The following ARL5A variants were observed in gnomAD, a reference collection of about 807,000 sequenced individuals.
ARL5A encodes the protein ARF like GTPase 5A.
ARL5A carries 18 observed loss-of-function variants against 25.9 expected under a neutral mutation model. The observed-to-expected ratio is 0.69, with a 90% CI of 0.48 to 1.03. The LOEUF is 1.03. ARL5A is among the 50% of genes least tolerant of loss of function. ARL5A has a pLI of 0.00. For synonymous variants in ARL5A, 61 were observed against 67.5 expected, an observed-to-expected ratio of 0.90 and a Z score of 0.47; for missense variants, 170 against 211.9, an observed-to-expected ratio of 0.80 and a Z score of 1.23.
chr2:151,827,247 C>G (rs533193929), intron 1 of ARL5A, among the ~76,000 whole-genome samples: 2 of 152,334 alleles, frequency 1.3e-5, no homozygotes, highest in South Asian at 4.1e-4. Context: ...ATTGTATTCT[C>G]TTTCCCCAGT....
intron 4 of ARL5A, 63 bp downstream of exon 4, chr2:151,812,294 G>C (rs1257418806): frequency 3.3e-6 from 4 of 1,211,264 alleles, no homozygotes; most frequent in African/African-American, 3.1e-5. Context: ...TGAGAAACTA[G>C]AAAACAAAGT....
chr2:151,827,336 T>A (rs1045768380), intron 1 of ARL5A: 2 of 152,240 alleles, frequency 1.3e-5, no homozygotes, highest in Admixed American at 1.3e-4. Flanking sequence ...AACTTAAGCA[T>A]CCCTATATAA....
chr2:151,819,812 T>C (rs2099832017), intron 1 of ARL5A, among the ~76,000 whole-genome samples: 1 of 151,332 alleles, frequency 6.6e-6, no homozygotes, highest in Non-Finnish European at 1.5e-5. Flanking sequence ...TCCCAGCACT[T>C]TGGGAGGCCG....
chr2:151,815,126 A>G lies in ARL5A; in HGVS notation c.107+13T>C, dbSNP rs1187532491. On this transcript the variant is annotated intron_variant, in intron 2 of 5. Coordinates refer to ENST00000295087, the MANE Select transcript of ARL5A (RefSeq NM_012097.4). ...CTAGAAATAAAATAATTTTTAAAAT[A>G]GTTAATACTTACAATTGGTAAAGAA... 5 of 1,582,032 alleles carry G rather than the reference A, an allele frequency of 3.2e-6. No individual in the cohort carries two copies. Among genetic ancestry groups the G allele is most frequent in the Non-Finnish European group, 4.3e-6 (5 of 1,158,056 alleles).
At position 151,812,405 on chromosome 2, in the gene ARL5A, C is replaced by T; in HGVS notation, c.291G>A (p.Glu97=). ...GTTCTTCTCTAGTTACAGAAATCCT[C>T]TCTCTGTCTGTACTGTCCACAACAA... ...VIVVVDSTDR[E]RISVTREELY... is the part of the protein sequence containing the mutation. Residue 97 remains glutamate (E), a synonymous_variant, in exon 4 of 6, where the codon GAG becomes GAA. Transcript: ENST00000295087. 1 of 1,606,610 alleles carries T rather than the reference C, an allele frequency of 6.2e-7. No individual in the cohort carries two copies. The highest frequency in any genetic ancestry group is 8.5e-7 in the Non-Finnish European group (1 of 1,177,604).
chr2:151,826,091 C>T (rs1455919781), intron 1 of ARL5A, among the ~76,000 whole-genome samples: 1 of 152,026 alleles, frequency 6.6e-6, no homozygotes, highest in East Asian at 1.9e-4. Context: ...CACTGCACTC[C>T]AGCCTGGTGA....
chr2:151,828,027 G>T, intron 1 of ARL5A, 104 bp downstream of exon 1: 1 of 1,292,560 alleles, frequency 7.7e-7, no homozygotes, highest in Non-Finnish European at 1.1e-6. Context: ...CTGAGCTGGC[G>T]CCCGACCGAG....
At position 151,799,199 on chromosome 2, in the gene ARL5A, A is replaced by G. The variant is rs185442770; in HGVS notation, c.*4077T>C. On this transcript the variant is annotated 3_prime_UTR_variant, in exon 6 of 6. Coordinates refer to ENST00000295087, the MANE Select transcript of ARL5A (RefSeq NM_012097.4). Reference sequence around the variant, plus strand: ...TTTTTGTGTAAGTGGAGCTTCAAAGACATATTTCTCTATCTGCATTTACAG... The same window carrying G: ...TTTTTGTGTAAGTGGAGCTTCAAAGGCATATTTCTCTATCTGCATTTACAG... 18 of 152,332 alleles carry G rather than the reference A, an allele frequency of 1.2e-4. No individual in the cohort carries two copies. The highest frequency in any genetic ancestry group is 3.6e-4 in the African/African-American group (15 of 41,594). 9.4% of individuals were successfully genotyped at this position (152,332 alleles called of 1,614,324 possible). A position where few individuals can be genotyped will look rare whatever the true frequency, so the allele number is the denominator to read the frequency against.
chr2:151,808,814 G>A (rs746925913), intron 4 of ARL5A, among the ~76,000 whole-genome samples: 1 of 152,192 alleles, frequency 6.6e-6, no homozygotes, highest in Non-Finnish European at 1.5e-5. Context: ...TTGGAAGGCC[G>A]AGGTGGGTGG....
chr2:151,827,958 A>G (rs914014509), intron 1 of ARL5A, 173 bp downstream of exon 1: 5 of 632,282 alleles, frequency 7.9e-6, no homozygotes, highest in Admixed American at 3.3e-5. Context: ...ACCATCCCCA[A>G]GCTCGGGAGC....
At chr2:151,826,472 C>A (rs893441973) in intron 1 of ARL5A, among the ~76,000 whole-genome samples, 1 of 152,170 alleles carries the variant, frequency 6.6e-6, no homozygotes, top group Admixed American at 6.5e-5. Context: ...CTTACAGAAA[C>A]AAATAATTTT....
At chr2:151,808,663 A>C (rs1016699081) in intron 4 of ARL5A, among the ~76,000 whole-genome samples, 3 of 152,234 alleles carry the variant, frequency 2.0e-5, no homozygotes, top group Non-Finnish European at 4.4e-5. Flanking sequence ...AAAGGCAAAA[A>C]ACTTGAAGAG....
chr2:151,818,290 T>A (rs184314492), intron 1 of ARL5A, among the ~76,000 whole-genome samples: 10 of 152,306 alleles, frequency 6.6e-5, no homozygotes, highest in African/African-American at 2.2e-4. Context: ...TCCTTTCTTT[T>A]TTTTTGAGAC....
intron 1 of ARL5A, among the ~76,000 whole-genome samples, chr2:151,824,704 C>T (rs1380042829): frequency 8.0e-6 from 1 of 125,198 alleles, no homozygotes; most frequent in Non-Finnish European, 1.7e-5. Flanking sequence ...CTGAGTCCTT[C>T]TTATACAAAG....
chr2:151,815,350 C>T (rs1164946436), intron 1 of ARL5A, 151 bp from the exon 2 acceptor site: 1 of 614,134 alleles, frequency 1.6e-6, no homozygotes, highest in East Asian at 2.9e-5. Flanking sequence ...AAAAGAACAT[C>T]CTAGCAAGAC....
rs2099829385 is a variant in ARL5A, at chr2:151,801,271, G to A, written c.*2005C>T. 6.6e-6 allele frequency: 1 copy of A among 152,218 alleles called. No homozygotes were observed. Among genetic ancestry groups the A allele is most frequent in the Non-Finnish European group, 1.5e-5 (1 of 67,978 alleles). The allele number at this position is 152,218 out of a possible 1,614,324, so 9.4% of individuals were successfully genotyped here. A position where few individuals can be genotyped will look rare whatever the true frequency, so the allele number is the denominator to read the frequency against. On this transcript the variant is annotated 3_prime_UTR_variant, in exon 6 of 6. Coordinates refer to ENST00000295087, the MANE Select transcript of ARL5A (RefSeq NM_012097.4). ...TAAACATCCAATTAAGAATAAATCT[G>A]AGCCAACACCTTGATGATGACAAGG...
chr2:151,827,594 A>C (rs1427541014), intron 1 of ARL5A: 1 of 153,370 alleles, frequency 6.5e-6, no homozygotes, highest in African/African-American at 2.4e-5. Context: ...CCCTGCCCCC[A>C]ACACACACAA....
At position 151,799,924 on chromosome 2, in the gene ARL5A, T is replaced by TG. The variant is rs945320655; in HGVS notation, c.*3351dup. 3.0e-4 allele frequency: 45 copies of TG among 152,322 alleles called. No homozygotes were observed. Among genetic ancestry groups the TG allele is most frequent in the African/African-American group, 9.1e-4 (38 of 41,568 alleles). The allele number at this position is 152,322 out of a possible 1,614,324, so 9.4% of individuals were successfully genotyped here. On this transcript the variant is annotated 3_prime_UTR_variant, in exon 6 of 6. Transcript: ENST00000295087. ...AGGAGAGCAAAGGATACCTGAGCTA[T>TG]GGGGAAGCTGACCTTGAAAGCAATG...
rs186221228 is a variant in ARL5A at position 151,823,290 on chromosome 2, T to A, written c.46+4841A>T. ...GTTAGGAGAGAGATATCTGCTTAAG[T>A]CGTTTTGTATTAAAAGTTCAATTTT... is the stretch of plus-strand genomic sequence containing the variant. On this transcript the variant is annotated intron_variant, in intron 1 of 5. Transcript: ENST00000295087. 6.0e-4 allele frequency among the ~76,000 whole-genome samples: 92 copies of A among 152,276 alleles called. No individual in the cohort carries two copies. The East Asian group carries it at 9.6e-3, about 16-fold the overall frequency.
Sources: allele counts gnomAD v4.1 joint callset (sites outside exome capture counted in the v4.1 genomes callset), GRCh38; gene constraint gnomAD v4.1.1; transcripts MANE v1.5; gene names NCBI Gene and HGNC (gene_info 2026-07-23, HGNC 2026-07-21).